Variants in PDE11A observed in about 807,000 individuals in gnomAD.
The protein encoded by PDE11A is phosphodiesterase 11A, also known as dual 3',5'-cyclic-AMP and -GMP phosphodiesterase 11A.
A neutral mutation model predicts 100.5 loss-of-function variants in PDE11A; 100 were observed. The observed-to-expected ratio is 1.00, with a 90% CI of 0.85 to 1.18. The LOEUF is 1.18. Among genes scored for constraint, PDE11A ranks in the 50% most tolerant of loss-of-function variants. The pLI, the probability that PDE11A is intolerant of heterozygous loss-of-function variation, is 0.00. For synonymous variants in PDE11A, 381 were observed against 420.8 expected, an observed-to-expected ratio of 0.91 and a Z score of 1.16; for missense variants, 1,141 against 1,152.6, an observed-to-expected ratio of 0.99 and a Z score of 0.15.
chr2:177,785,979 T>C (rs1558937660), intron 9 of PDE11A, among the ~76,000 whole-genome samples: 1 of 152,142 alleles, frequency 6.6e-6, no homozygotes, highest in Non-Finnish European at 1.5e-5. Context: ...AACAAAAAGA[T>C]AGCAGTAACC....
chr2:178,064,484 G>T (rs1450436235), intron 1 of PDE11A, among the ~76,000 whole-genome samples: 1 of 152,150 alleles, frequency 6.6e-6, no homozygotes, highest in Non-Finnish European at 1.5e-5. Context: ...CCAAGCCTCA[G>T]TTTCTCCTTT....
intron 9 of PDE11A, among the ~76,000 whole-genome samples, chr2:177,811,824 C>T (rs2082952556): frequency 1.3e-5 from 2 of 152,122 alleles, no homozygotes; most frequent in South Asian, 4.1e-4. Context: ...AACACTGGTG[C>T]CCTGGAGCAG....
intron 9 of PDE11A, among the ~76,000 whole-genome samples, chr2:177,803,097 C>T (rs530810779): frequency 6.6e-6 from 1 of 151,776 alleles, no homozygotes; most frequent in Admixed American, 6.6e-5. Flanking sequence ...AAATAATTTT[C>T]ACTTCAAGTA....
intron 4 of PDE11A, among the ~76,000 whole-genome samples, chr2:177,893,440 G>A (rs1342789700): frequency 6.6e-6 from 1 of 152,046 alleles, no homozygotes; most frequent in African/African-American, 2.4e-5. Flanking sequence ...GCAAAGCCCT[G>A]CTATAAATTT....
chr2:178,070,956 A>G (rs576334048), intron 1 of PDE11A, among the ~76,000 whole-genome samples: 2 of 152,216 alleles, frequency 1.3e-5, no homozygotes, highest in South Asian at 4.2e-4. Flanking sequence ...TCACAGGACC[A>G]TTTTTCCCCT....
intron 6 of PDE11A, among the ~76,000 whole-genome samples, chr2:177,833,849 C>T (rs1031710495): frequency 6.6e-6 from 1 of 152,216 alleles, no homozygotes; most frequent in African/African-American, 2.4e-5. Flanking sequence ...TGGAGAATTT[C>T]CAACCTGCCC....
At chr2:178,022,226 A>T (rs2086421826) in intron 1 of PDE11A, among the ~76,000 whole-genome samples, 1 of 152,194 alleles carries the variant, frequency 6.6e-6, no homozygotes, top group South Asian at 2.1e-4. Flanking sequence ...TAGAATGAAT[A>T]GAACTGATTC....
At chr2:177,912,034 G>T (rs1436312009) in intron 2 of PDE11A, among the ~76,000 whole-genome samples, 2 of 152,110 alleles carry the variant, frequency 1.3e-5, no homozygotes, top group African/African-American at 2.4e-5. Flanking sequence ...AAAAGAAGGA[G>T]AAGCTTTGTT....
intron 5 of PDE11A, among the ~76,000 whole-genome samples, chr2:177,870,259 T>C (rs976707274): frequency 9.2e-5 from 14 of 152,154 alleles, no homozygotes; most frequent in African/African-American, 3.4e-4. Flanking sequence ...TCATCACTAA[T>C]ATCAAATTTA....
intron 9 of PDE11A, among the ~76,000 whole-genome samples, chr2:177,775,679 C>T (rs570264097): frequency 3.3e-5 from 5 of 152,294 alleles, no homozygotes; most frequent in African/African-American, 9.6e-5. Context: ...ATACACCAAG[C>T]GCTTTTCTAC....
chr2:178,102,962 G>C (rs1039404842), intron 2 of PDE11A, among the ~76,000 whole-genome samples: 4 of 150,418 alleles, frequency 2.7e-5, no homozygotes, highest in African/African-American at 1.0e-4. Flanking sequence ...GTCATGTAAA[G>C]ACAGAGATGC....
intron 4 of PDE11A, among the ~76,000 whole-genome samples, chr2:177,876,642 T>C (rs2084246109): frequency 6.7e-6 from 1 of 148,402 alleles, no homozygotes. Context: ...AAATCTAAAG[T>C]AGAGAATTTT....
intron 19 of PDE11A, among the ~76,000 whole-genome samples, chr2:177,651,355 C>A (rs1407452404): frequency 1.3e-5 from 2 of 152,200 alleles, no homozygotes; most frequent in African/African-American, 4.8e-5. Context: ...CATACTTCAC[C>A]TCCCTTTGTT....
chr2:178,078,590 TA>T (rs1317631319), intron 2 of PDE11A, among the ~76,000 whole-genome samples: 7 of 152,296 alleles, frequency 4.6e-5, no homozygotes, highest in Admixed American at 3.9e-4. Flanking sequence ...TGTCATGCCA[TA>T]AATGTTTTAC....
At chr2:177,761,231 T>C (rs961445559) in intron 10 of PDE11A, among the ~76,000 whole-genome samples, 6 of 151,940 alleles carry the variant, frequency 3.9e-5, no homozygotes, top group Admixed American at 2.0e-4. Flanking sequence ...AGAAAACGAA[T>C]CCCTTTATTT....
At chr2:177,698,672 G>A (rs2081153745) in intron 14 of PDE11A, 1 of 152,058 alleles carries the variant, frequency 6.6e-6, no homozygotes, top group Non-Finnish European at 1.5e-5. Context: ...TATTTCATTG[G>A]GTGAACCCGC....
intron 2 of PDE11A, among the ~76,000 whole-genome samples, chr2:178,009,648 C>A (rs2086253197): frequency 6.6e-6 from 1 of 152,160 alleles, no homozygotes; most frequent in Non-Finnish European, 1.5e-5. Context: ...TTTCCAGTCT[C>A]TTCTACTACA....
At chr2:177,920,120 G>A (rs2085019207) in intron 2 of PDE11A, among the ~76,000 whole-genome samples, 3 of 152,040 alleles carry the variant, frequency 2.0e-5, no homozygotes. Flanking sequence ...AAAAGCCATA[G>A]GGGAAATATG....
chr2:177,733,597 G>T (rs1280725352), intron 10 of PDE11A, among the ~76,000 whole-genome samples: 1 of 152,220 alleles, frequency 6.6e-6, no homozygotes, highest in Non-Finnish European at 1.5e-5. Context: ...GTGGGTGGTA[G>T]TCCAGCCTTG....
Sources: allele counts gnomAD v4.1 joint callset (sites outside exome capture counted in the v4.1 genomes callset), GRCh38; gene constraint gnomAD v4.1.1; transcripts MANE v1.5; gene names NCBI Gene and HGNC (gene_info 2026-07-23, HGNC 2026-07-21).